AKAP12: variants seen among roughly 807,000 people sequenced by gnomAD.
AKAP12 encodes the protein A-kinase anchor protein 12.
A neutral mutation model predicts 79.9 loss-of-function variants in AKAP12; 32 were observed. The ratio of observed to expected loss-of-function variants is 0.40; its 90% CI spans 0.30 to 0.54. AKAP12 has a LOEUF of 0.54. Ranked by LOEUF, AKAP12 falls within the 20% of genes least tolerant of loss-of-function variation. The pLI, the probability that AKAP12 is intolerant of heterozygous loss-of-function variation, is 0.48. For missense variants in AKAP12, 2,074 were observed against 2,177.0 expected, an observed-to-expected ratio of 0.95 and a Z score of 0.94; for synonymous variants, 808 against 857.0, an observed-to-expected ratio of 0.94 and a Z score of 1.00.
At chr6:151,332,033 GTTTTTTTTTTTTT>G (rs71014573) in intron 3 of AKAP12, among the ~76,000 whole-genome samples, 35 of 79,682 alleles carry the variant, frequency 4.4e-4, no homozygotes, top group Non-Finnish European at 8.0e-4. Flanking sequence ...TTCTGGGTCT[GTTTTTTTTTTTTT>G]TTTTTTTTGA....
chr6:151,353,429 G>T lies in AKAP12; in HGVS notation c.5038G>T (p.Gly1680Cys), dbSNP rs1225989043. The T allele has an allele frequency of 2.5e-6, 4 of 1,614,138 alleles. No homozygotes were observed. The South Asian group carries it at 4.4e-5, about 18-fold the overall frequency. The change falls in exon 4 of 5, where the codon GGT becomes TGT. Residue 1680 changes from glycine to cysteine, a missense_variant. Around this residue, in one of 3 missense-constraint regions of AKAP12, gnomAD observed 614 missense variants for 665.6 expected, o/e 0.92. Transcript: ENST00000402676. ...AACAAAGTCTGTGCCAGAAGATGAT[G>T]GTCATGCCTTGTTAGCAGAAAGAAT... ...AGTKSVPEDD[G>C]HALLAERIEK...
chr6:151,352,665 C>A lies in AKAP12; in HGVS notation c.4274C>A (p.Ala1425Glu). ...SEASFTLTAAAEEEKVLGETA... is the reference protein window; with the variant it reads ...SEASFTLTAAEEEEKVLGETA... Reference sequence around the variant, plus strand: ...GCATCATTCACTCTAACAGCGGCTGCAGAGGAGGAAAAGGTCTTAGGAGAA... The same window carrying A: ...GCATCATTCACTCTAACAGCGGCTGAAGAGGAGGAAAAGGTCTTAGGAGAA... The change falls in exon 4 of 5, where the codon GCA becomes GAA. Residue 1425 changes from alanine to glutamate, a missense_variant. Physicochemically the swap from Ala to Glu is moderately radical, Grantham distance 107. This residue lies in a region of AKAP12 where 614 missense variants were observed against 665.6 expected (regional missense o/e 0.92). Coordinates refer to ENST00000402676, the MANE Select transcript of AKAP12 (RefSeq NM_005100.4). 6.2e-7 allele frequency: 1 copy of A among 1,614,166 alleles called. No homozygotes were observed. The highest frequency in any genetic ancestry group is 8.5e-7 in the Non-Finnish European group (1 of 1,180,032).
intron 3 of AKAP12, chr6:151,325,055 A>G (rs1777489126): frequency 4.1e-6 from 4 of 985,464 alleles, no homozygotes; most frequent in Non-Finnish European, 2.4e-6. Flanking sequence ...GCCTTGGTCA[A>G]GTGTTGAAGA....
chr6:151,260,484 T>G (rs1177929563), intron 2 of AKAP12, among the ~76,000 whole-genome samples: 1 of 152,210 alleles, frequency 6.6e-6, no homozygotes, highest in African/African-American at 2.4e-5. Context: ...AAGATCCCTG[T>G]GCACTCTGCC....
Position 151,349,115 on chromosome 6 carries a change from AC to A in AKAP12, c.727del (p.Leu243Ter). The A allele has an allele frequency of 6.2e-7, 1 of 1,613,538 alleles. No individual in the cohort carries two copies. The highest frequency in any genetic ancestry group is 8.5e-7 in the Non-Finnish European group (1 of 1,179,944). On this transcript the variant is annotated frameshift_variant, in exon 4 of 5. Transcript: ENST00000402676. LOFTEE classifies it high-confidence loss of function. ...ACAATCTACAGAGAAACCCGAAGAG[AC>A]CCTGAAGCGTGAGCAAAGCCACGCA... is the stretch of plus-strand genomic sequence containing the variant. Reference protein sequence around the residue: ...PKQSTEKPEETLKREQSHAEI... With the variant: ...PKQSTEKPEEXLKREQSHAEI...
rs138051963 is a variant in AKAP12, at chr6:151,357,771, T to C, written c.*2057T>C. Reference sequence around the variant, plus strand: ...AAATCCAAGTGCTGGTTTCTAGTTCTGAACATCAACTAAAGAGTTTTGGAA... The same window carrying C: ...AAATCCAAGTGCTGGTTTCTAGTTCCGAACATCAACTAAAGAGTTTTGGAA... On this transcript the variant is annotated 3_prime_UTR_variant, in exon 5 of 5. Coordinates refer to ENST00000402676, the MANE Select transcript of AKAP12 (RefSeq NM_005100.4). The C allele has an allele frequency of 1.5e-4, 22 of 151,002 alleles. No individual in the cohort carries two copies. The highest frequency in any genetic ancestry group is 4.9e-4 in the African/African-American group (20 of 41,102). The allele number at this position is 151,002 out of a possible 1,614,324, so 9.4% of individuals were successfully genotyped here. A position where few individuals can be genotyped will look rare whatever the true frequency, so the allele number is the denominator to read the frequency against.
At chr6:151,253,652 A>G (rs558455154) in intron 2 of AKAP12, among the ~76,000 whole-genome samples, 15 of 152,308 alleles carry the variant, frequency 9.8e-5, no homozygotes, top group African/African-American at 3.6e-4. Flanking sequence ...GAGGGGGAAT[A>G]GGATTGTAGT....
At chr6:151,251,030 A>G (rs1314674563) in intron 2 of AKAP12, among the ~76,000 whole-genome samples, 1 of 152,236 alleles carries the variant, frequency 6.6e-6, no homozygotes, top group Non-Finnish European at 1.5e-5. Context: ...TAGATGAAAT[A>G]TTCAACAGCA....
intron 2 of AKAP12, among the ~76,000 whole-genome samples, chr6:151,261,497 G>A (rs9383562): frequency 0.69 from 104,315 of 151,686 alleles, 37,286 homozygotes; most frequent in African/African-American, 0.88. Context: ...TCGAGACCAC[G>A]CAAAAATACA....
chr6:151,311,042 G>A (rs1216942664), intron 3 of AKAP12, among the ~76,000 whole-genome samples: 2 of 152,086 alleles, frequency 1.3e-5, no homozygotes, highest in East Asian at 1.9e-4. Flanking sequence ...ATCATGGTTC[G>A]ACGTAGCCTC....
chr6:151,352,830 A>T lies in AKAP12; in HGVS notation c.4439A>T (p.Gln1480Leu). The T allele has an allele frequency of 6.2e-7, 1 of 1,614,232 alleles. No homozygotes were observed. Residue 1480 changes from glutamine to leucine, a missense_variant, in exon 4 of 5, where the codon CAG becomes CTG. By Grantham distance (113) the Gln-to-Leu change is moderately radical (BLOSUM62 -2). Transcript: ENST00000402676. ...EDAVPTGPDC[Q>L]AKSTPVIVSA... Reference sequence around the variant, plus strand: ...GCTGTGCCCACAGGGCCCGACTGTCAGGCAAAATCGACACCAGTGATAGTA... The same window carrying T: ...GCTGTGCCCACAGGGCCCGACTGTCTGGCAAAATCGACACCAGTGATAGTA...
chr6:151,325,342 T>C, intron 3 of AKAP12: 1 of 985,400 alleles, frequency 1.0e-6, no homozygotes, highest in African/African-American at 1.7e-5. Context: ...CTTAAAAAGC[T>C]GAGATACAGA....
chr6:151,326,510 A>G (rs1242396824), intron 3 of AKAP12, among the ~76,000 whole-genome samples: 2 of 151,766 alleles, frequency 1.3e-5, no homozygotes, highest in Admixed American at 6.6e-5. Context: ...AAAAAAAGAA[A>G]AAAAGAAAAA....
At chr6:151,251,635 A>G (rs1262868158) in intron 2 of AKAP12, among the ~76,000 whole-genome samples, 3 of 152,238 alleles carry the variant, frequency 2.0e-5, no homozygotes, top group African/African-American at 4.8e-5. Flanking sequence ...ATGCCAAAAA[A>G]TTTATACTAA....
chr6:151,274,709 TGGG>T (rs915093780), intron 2 of AKAP12, among the ~76,000 whole-genome samples: 1 of 152,180 alleles, frequency 6.6e-6, no homozygotes, highest in Non-Finnish European at 1.5e-5. Flanking sequence ...GTTTGTGAGT[TGGG>T]GGCATCTCAC....
chr6:151,241,075 G>T (rs1427084932), intron 2 of AKAP12, among the ~76,000 whole-genome samples: 1 of 152,234 alleles, frequency 6.6e-6, no homozygotes, highest in African/African-American at 2.4e-5. Flanking sequence ...GAGCTGCGCG[G>T]AGGGGGATCC....
chr6:151,286,944 T>C (rs1366878200), intron 2 of AKAP12, among the ~76,000 whole-genome samples: 2 of 143,288 alleles, frequency 1.4e-5, no homozygotes, highest in Non-Finnish European at 3.0e-5. Context: ...TTTTTCTTTC[T>C]TTTTTTTTTT....
intron 2 of AKAP12, among the ~76,000 whole-genome samples, chr6:151,278,831 C>A (rs1776340067): frequency 1.3e-5 from 2 of 152,022 alleles, no homozygotes; most frequent in African/African-American, 4.8e-5. Flanking sequence ...CCATGCCCGG[C>A]TAATTTTTTG....
intron 2 of AKAP12, among the ~76,000 whole-genome samples, chr6:151,296,087 G>A (rs1488231668): frequency 6.6e-6 from 1 of 152,216 alleles, no homozygotes; most frequent in African/African-American, 2.4e-5. Context: ...AGACTTCATA[G>A]CATCTGTAGG....
Sources: allele counts gnomAD v4.1 joint callset (sites outside exome capture counted in the v4.1 genomes callset), GRCh38; gene constraint gnomAD v4.1.1; regional missense constraint gnomAD v4.1.1; transcripts MANE v1.5; gene names NCBI Gene and HGNC (gene_info 2026-07-23, HGNC 2026-07-21).